TBL1XR1: variants seen among roughly 807,000 people sequenced by gnomAD.
TBL1XR1 encodes the protein F-box-like/WD repeat-containing protein TBL1XR1.
In TBL1XR1, 5 loss-of-function variants were observed where a neutral mutation model predicts 66.9. The ratio of observed to expected loss-of-function variants is 0.07; its 90% CI spans 0.04 to 0.16. The LOEUF (loss-of-function observed/expected upper bound fraction) is 0.16. Among genes scored for constraint, TBL1XR1 ranks in the 10% least tolerant of loss-of-function variants. The probability of loss-of-function intolerance (pLI) is 1.00; values close to 1 mark genes in which losing one functional copy is unlikely to be tolerated. For missense variants in TBL1XR1, 238 were observed against 623.2 expected (o/e 0.38, Z 6.58); for synonymous variants, 210 against 206.0 (o/e 1.02, Z -0.17).
chr3:177,062,327 A>C (rs1718621736), intron 3 of TBL1XR1, among the ~76,000 whole-genome samples: 1 of 152,208 alleles, frequency 6.6e-6, no homozygotes, highest in African/African-American at 2.4e-5. Flanking sequence ...GTCAAGTTCT[A>C]ATTGTCCTAC....
intron 1 of TBL1XR1, among the ~76,000 whole-genome samples, chr3:177,183,642 G>A (rs1199592816): frequency 1.3e-5 from 2 of 151,328 alleles, no homozygotes; most frequent in African/African-American, 4.9e-5. Context: ...TCCGCAGCTG[G>A]GATTACAGGC....
At chr3:177,100,918 C>T (rs370332463) in intron 1 of TBL1XR1, among the ~76,000 whole-genome samples, 5 of 150,844 alleles carry the variant, frequency 3.3e-5, no homozygotes, top group South Asian at 2.1e-4. Context: ...TGCAATGGCG[C>T]GACCTCAGCT....
At chr3:177,195,838 T>C (rs192619605) in intron 1 of TBL1XR1, among the ~76,000 whole-genome samples, 3 of 152,202 alleles carry the variant, frequency 2.0e-5, no homozygotes, top group Non-Finnish European at 2.9e-5. Context: ...AGAAAGTGAA[T>C]AGTAAACTTT....
At chr3:177,172,688 GGGAGGGGAGGA>G (rs1293511953) in intron 1 of TBL1XR1, among the ~76,000 whole-genome samples, 2 of 141,194 alleles carry the variant, frequency 1.4e-5, no homozygotes, top group Non-Finnish European at 3.2e-5. Context: ...GAGGGGAGAG[GGGAGGGGAGGA>G]GAGGGAAGAG....
chr3:177,188,649 A>C (rs1399931662), intron 1 of TBL1XR1, among the ~76,000 whole-genome samples: 1 of 152,186 alleles, frequency 6.6e-6, no homozygotes, highest in Non-Finnish European at 1.5e-5. Flanking sequence ...CCTTCAATAA[A>C]GGGGAAAATA....
intron 2 of TBL1XR1, among the ~76,000 whole-genome samples, chr3:177,069,379 C>A (rs900717355): frequency 2.6e-5 from 4 of 152,088 alleles, no homozygotes; most frequent in Non-Finnish European, 5.9e-5. Flanking sequence ...GTACCTACTG[C>A]ACATGATGTT....
chr3:177,061,453 C>G (rs180782521), intron 3 of TBL1XR1, among the ~76,000 whole-genome samples: 3 of 152,118 alleles, frequency 2.0e-5, no homozygotes, highest in Admixed American at 6.5e-5. Context: ...ATTACTAAAC[C>G]ACATATTTAT....
intron 1 of TBL1XR1, among the ~76,000 whole-genome samples, chr3:177,148,873 G>A (rs1299510555): frequency 2.0e-5 from 3 of 151,928 alleles, no homozygotes; most frequent in Admixed American, 6.6e-5. Context: ...TTGTGGTGGT[G>A]CGTGCCTGTG....
intron 1 of TBL1XR1, among the ~76,000 whole-genome samples, chr3:177,142,604 A>G (rs1483095293): frequency 6.6e-6 from 1 of 152,240 alleles, no homozygotes. Flanking sequence ...CCTCAGTAGG[A>G]ATTTACTTAA....
chr3:177,161,419 C>T (rs1732196987), intron 1 of TBL1XR1, among the ~76,000 whole-genome samples: 1 of 152,192 alleles, frequency 6.6e-6, no homozygotes, highest in Admixed American at 6.5e-5. Context: ...AGGTTAATTA[C>T]ACTTTTCAGT....
rs1242726524 is a variant in TBL1XR1, at chr3:177,192,536, T to C, written c.-122+4585A>G. On this transcript the variant is annotated intron_variant, in intron 1 of 15. Transcript: ENST00000457928. ...TCCACCACCGTACCTACACCAATCATGTAAATTATTCATAGTATATGTAAG... is the reference window on the plus strand; with the variant it reads ...TCCACCACCGTACCTACACCAATCACGTAAATTATTCATAGTATATGTAAG... Among the ~76,000 whole-genome samples the C allele has an allele frequency of 3.9e-5, 6 of 152,202 alleles. No individual in the cohort carries two copies. In the South Asian group the frequency reaches 6.2e-4, roughly 16 times the overall value.
chr3:177,144,235 A>T (rs1006836687), intron 1 of TBL1XR1, among the ~76,000 whole-genome samples: 3 of 151,328 alleles, frequency 2.0e-5, no homozygotes, highest in Admixed American at 2.0e-4. Flanking sequence ...AACAAGAGCA[A>T]AACTCCGTCT....
intron 1 of TBL1XR1, among the ~76,000 whole-genome samples, chr3:177,112,103 ATATATTT>A (rs1478521418): frequency 4.4e-3 from 205 of 46,858 alleles, no homozygotes; most frequent in African/African-American, 0.024. Context: ...ATATATATAT[ATATATTT>A]TTTTTTTTTT....
At chr3:177,146,712 C>T (rs61023963) in intron 1 of TBL1XR1, among the ~76,000 whole-genome samples, 60,091 of 151,366 alleles carry the variant, frequency 0.4, 12,119 homozygotes, top group Middle Eastern at 0.48. Flanking sequence ...CAAACTATCA[C>T]GTGAAATCTC....
rs889095112 is a variant in TBL1XR1, at chr3:177,197,403, CGCGGGGGAAGGGCGCGA to C, written c.-421_-405del. 1 of 136,712 alleles carries C rather than the reference CGCGGGGGAAGGGCGCGA, an allele frequency of 7.3e-6. No individual in the cohort carries two copies. The highest frequency in any genetic ancestry group is 1.6e-5 in the Non-Finnish European group (1 of 62,416). 8.5% of individuals were successfully genotyped at this position (136,712 alleles called of 1,614,324 possible). A position where few individuals can be genotyped will look rare whatever the true frequency, so the allele number is the denominator to read the frequency against. On this transcript the variant is annotated 5_prime_UTR_variant, in exon 1 of 16. Coordinates refer to ENST00000457928, the MANE Select transcript of TBL1XR1 (RefSeq NM_024665.7). The stretch of plus-strand genomic sequence containing the variant: ...CGGCCGGCGGCGGGGGGAGGCGGCG[CGCGGGGGAAGGGCGCGA>C]GCGGGGAGAGGAATTGAGGCAGAAG...
At position 177,021,101 on chromosome 3, in the gene TBL1XR1, G is replaced by A. The variant is rs1301253424; in HGVS notation, c.*4397C>T. Reference sequence around the variant, plus strand: ...TTAACTGGATAACTAAAGAAATGATGCAGACATTTTAATCCAGTGCTATAG... The same window carrying A: ...TTAACTGGATAACTAAAGAAATGATACAGACATTTTAATCCAGTGCTATAG... On this transcript the variant is annotated 3_prime_UTR_variant, in exon 16 of 16. Coordinates refer to ENST00000457928, the MANE Select transcript of TBL1XR1 (RefSeq NM_024665.7). 6.6e-6 allele frequency: 1 copy of A among 152,106 alleles called. No homozygotes were observed. Among genetic ancestry groups the A allele is most frequent in the Non-Finnish European group, 1.5e-5 (1 of 67,988 alleles). 9.4% of individuals were successfully genotyped at this position (152,106 alleles called of 1,614,324 possible).
intron 1 of TBL1XR1, among the ~76,000 whole-genome samples, chr3:177,147,381 G>A (rs1369665251): frequency 6.6e-6 from 1 of 152,162 alleles, no homozygotes; most frequent in African/African-American, 2.4e-5. Context: ...AATATGTGGT[G>A]ATGGTGCTGC....
At chr3:177,131,062 C>G in intron 1 of TBL1XR1, among the ~76,000 whole-genome samples, 1 of 152,178 alleles carries the variant, frequency 6.6e-6, no homozygotes, top group East Asian at 1.9e-4. Context: ...GCAACAGAAA[C>G]TAGGTTTCAG....
chr3:177,155,934 G>A (rs966180037), intron 1 of TBL1XR1, among the ~76,000 whole-genome samples: 13 of 151,392 alleles, frequency 8.6e-5, no homozygotes, highest in Admixed American at 2.0e-4. Flanking sequence ...ACTTGAACCC[G>A]AGAGGTGAAG....
Sources: gnomAD v4.1 joint callset for allele counts (sites outside exome capture counted in the v4.1 genomes callset) on GRCh38, gnomAD v4.1.1 for gene constraint, MANE v1.5 for transcripts, NCBI Gene and HGNC (gene_info 2026-07-23, HGNC 2026-07-21) for gene names.